The following TPST1 variants were observed in gnomAD, a reference collection of about 807,000 sequenced individuals.
TPST1 encodes tyrosylprotein sulfotransferase 1, also known as protein-tyrosine sulfotransferase 1.
Under a neutral mutation model 34.8 loss-of-function variants are expected in TPST1, and 20 were observed. That is an observed-to-expected ratio of 0.57 (90% CI 0.40 to 0.84). The LOEUF is 0.84. Ranked by LOEUF, TPST1 falls within the 40% of genes least tolerant of loss-of-function variation. The probability of loss-of-function intolerance (pLI) is 0.00; values close to 1 mark genes in which losing one functional copy is unlikely to be tolerated. For missense variants in TPST1, 353 were observed against 455.5 expected (o/e 0.78, Z 2.05); for synonymous variants, 152 against 159.4 (o/e 0.95, Z 0.35).
chr7:66,335,676 C>A (rs1206780038), intron 3 of TPST1, among the ~76,000 whole-genome samples: 1 of 151,822 alleles, frequency 6.6e-6, no homozygotes, highest in Non-Finnish European at 1.5e-5. Flanking sequence ...TGTTTTAGTG[C>A]AATGTTTTGA....
At chr7:66,343,404 A>G (rs1229287904) in intron 3 of TPST1, among the ~76,000 whole-genome samples, 1 of 152,132 alleles carries the variant, frequency 6.6e-6, no homozygotes, top group Non-Finnish European at 1.5e-5. Flanking sequence ...GTACTGCAAG[A>G]GACAGGAGAG....
chr7:66,335,422 G>A (rs1481065348), intron 3 of TPST1, among the ~76,000 whole-genome samples: 4 of 150,564 alleles, frequency 2.7e-5, no homozygotes, highest in Non-Finnish European at 5.9e-5. Flanking sequence ...ACCACTGAAC[G>A]CCAGCCTGGG....
At chr7:66,280,258 G>A (rs551168989) in intron 2 of TPST1, among the ~76,000 whole-genome samples, 1 of 152,334 alleles carries the variant, frequency 6.6e-6, no homozygotes, top group South Asian at 2.1e-4. Context: ...TTCTTGGGCT[G>A]TTTTCTCATA....
intron 3 of TPST1, among the ~76,000 whole-genome samples, chr7:66,345,911 GA>G (rs923456908): frequency 2.5e-4 from 38 of 151,992 alleles, no homozygotes; most frequent in African/African-American, 8.9e-4. Context: ...TCAAATACTA[GA>G]TTTTATTCCT....
intron 3 of TPST1, among the ~76,000 whole-genome samples, chr7:66,324,971 ACTT>A (rs2116227828): frequency 6.6e-6 from 1 of 152,238 alleles, no homozygotes; most frequent in African/African-American, 2.4e-5. Flanking sequence ...GCTAGAGAGA[ACTT>A]CTTAGGTTTT....
chr7:66,358,591 A>G (rs1370037554), intron 5 of TPST1, among the ~76,000 whole-genome samples: 5 of 152,338 alleles, frequency 3.3e-5, no homozygotes, highest in East Asian at 3.9e-4. Flanking sequence ...GATTATAGAC[A>G]TAAGAAGCAC....
chr7:66,353,798 T>G (rs1443485797), intron 4 of TPST1, among the ~76,000 whole-genome samples: 1 of 152,192 alleles, frequency 6.6e-6, no homozygotes, highest in East Asian at 1.9e-4. Flanking sequence ...GCGTTCCAGA[T>G]AGAGGTTGGT....
At chr7:66,334,254 A>G (rs1451776314) in intron 3 of TPST1, among the ~76,000 whole-genome samples, 3 of 152,144 alleles carry the variant, frequency 2.0e-5, no homozygotes, top group Non-Finnish European at 4.4e-5. Context: ...AAACTAGAGA[A>G]AATAAAGACA....
rs117935909 is a variant in TPST1 at position 66,285,653 on chromosome 7, C to T, written c.846-858C>T. Among the ~76,000 whole-genome samples the T allele has an allele frequency of 2.0e-3, 303 of 152,262 alleles. 1 individual carries two copies. Among genetic ancestry groups the T allele is most frequent in the Non-Finnish European group, 3.6e-3 (245 of 68,016 alleles). On this transcript the variant is annotated intron_variant, in intron 2 of 5. Coordinates refer to ENST00000304842, the MANE Select transcript of TPST1 (RefSeq NM_003596.4). ...TGTTTGAATAACTTTTTATGTATTA[C>T]GATATAAAAGTCTCTTTTAAGCATT...
intron 2 of TPST1, among the ~76,000 whole-genome samples, chr7:66,269,722 G>A (rs951933732): frequency 6.6e-6 from 1 of 152,186 alleles, no homozygotes; most frequent in Non-Finnish European, 1.5e-5. Flanking sequence ...GGAGTTGAAT[G>A]TTTAGTTTGT....
At chr7:66,199,377 C>T in the TPST1 span, among the ~76,000 whole-genome samples, 3 of 148,292 alleles carry the variant, frequency 2.0e-5, no homozygotes, top group East Asian at 2.0e-4. Context: ...TCACTGCAAC[C>T]GCCACCTCCT....
chr7:66,284,645 C>T (rs1188241419), intron 2 of TPST1, among the ~76,000 whole-genome samples: 1 of 145,678 alleles, frequency 6.9e-6, no homozygotes, highest in East Asian at 2.1e-4. Flanking sequence ...CAACCTCCAT[C>T]TCCTGGGTTC....
intron 3 of TPST1, among the ~76,000 whole-genome samples, chr7:66,350,302 A>G (rs564903982): frequency 6.6e-6 from 1 of 152,312 alleles, no homozygotes; most frequent in East Asian, 1.9e-4. Flanking sequence ...GGCATGAGCT[A>G]CCGCGCCCAG....
At chr7:66,295,094 A>G (rs1347746286) in intron 3 of TPST1, among the ~76,000 whole-genome samples, 2 of 151,942 alleles carry the variant, frequency 1.3e-5, no homozygotes, top group East Asian at 3.9e-4. Flanking sequence ...ATCTTTGCAG[A>G]TACTCAATTT....
intron 4 of TPST1, 98 bp from the exon 5 acceptor site, chr7:66,356,727 A>C: frequency 7.1e-7 from 1 of 1,406,082 alleles, no homozygotes; most frequent in South Asian, 1.2e-5. Context: ...GAAAGTGAAC[A>C]GAGCCTGCGG....
chr7:66,281,400 T>G (rs1404741211), intron 2 of TPST1, among the ~76,000 whole-genome samples: 6 of 152,172 alleles, frequency 3.9e-5, no homozygotes, highest in Non-Finnish European at 7.3e-5. Flanking sequence ...TTCAGTAGGT[T>G]TGGTACAAGG....
intron 2 of TPST1, among the ~76,000 whole-genome samples, chr7:66,271,779 G>A (rs186017404): frequency 2.0e-3 from 299 of 150,934 alleles, no homozygotes; most frequent in African/African-American, 5.3e-3. Context: ...TATCCATATC[G>A]TATATGTATC....
intron 3 of TPST1, among the ~76,000 whole-genome samples, chr7:66,327,855 G>T (rs1296846171): frequency 1.3e-5 from 2 of 151,936 alleles, no homozygotes; most frequent in South Asian, 2.1e-4. Flanking sequence ...CATATTTCTG[G>T]AGATGGTCTA....
intron 1 of TPST1, among the ~76,000 whole-genome samples, chr7:66,221,132 T>TAAA (rs546112446): frequency 7.1e-6 from 1 of 140,680 alleles, no homozygotes. Context: ...GACTCCGTCT[T>TAAA]AAAAAAAAAA....
Sources: gnomAD v4.1 joint callset for allele counts (sites outside exome capture counted in the v4.1 genomes callset) on GRCh38, gnomAD v4.1.1 for gene constraint, MANE v1.5 for transcripts, NCBI Gene and HGNC (gene_info 2026-07-23, HGNC 2026-07-21) for gene names.